MYRIP: variants seen among roughly 807,000 people sequenced by gnomAD.
The protein encoded by MYRIP is rab effector MyRIP.
MYRIP carries 49 observed loss-of-function variants against 98.0 expected under a neutral mutation model. The ratio of observed to expected loss-of-function variants is 0.50; its 90% CI spans 0.40 to 0.63. The LOEUF (loss-of-function observed/expected upper bound fraction) is 0.63. Ranked by LOEUF, MYRIP falls within the 30% of genes least tolerant of loss-of-function variation. The pLI is 0.00. For synonymous variants in MYRIP, 404 were observed against 409.5 expected (o/e 0.99, Z 0.16); for missense variants, 1,004 against 1,058.2 (o/e 0.95, Z 0.71).
intron 1 of MYRIP, among the ~76,000 whole-genome samples, chr3:39,899,230 T>A (rs989954375): frequency 6.6e-6 from 1 of 152,218 alleles, no homozygotes; most frequent in African/African-American, 2.4e-5. Context: ...GTACATGTAT[T>A]CTGTACATGT....
At chr3:40,072,146 A>G (rs1948245007) in intron 3 of MYRIP, among the ~76,000 whole-genome samples, 1 of 152,190 alleles carries the variant, frequency 6.6e-6, no homozygotes, top group South Asian at 2.1e-4. Context: ...AAGCATCAAG[A>G]TAGGTGCTTA....
intron 2 of MYRIP, among the ~76,000 whole-genome samples, chr3:39,966,136 C>A (rs187704193): frequency 1.3e-5 from 2 of 152,222 alleles, no homozygotes; most frequent in African/African-American, 4.8e-5. Flanking sequence ...TCTCTCTTGC[C>A]TCTCAGAACT....
Position 39,815,475 on chromosome 3 carries a change from G to C in MYRIP, c.-31+5559G>C, listed in dbSNP as rs141656629. ...CTTAGTATCCCTTCATTAGTCCTTA[G>C]AAGTTTTATTGCTCTTGTGAATGGG... On this transcript the variant is annotated intron_variant, in intron 1 of 16. Transcript: ENST00000302541. Among the ~76,000 whole-genome samples the C allele has an allele frequency of 2.0e-3, 299 of 152,028 alleles. 2 individuals are homozygous for C. The highest frequency in any genetic ancestry group is 6.8e-3 in the African/African-American group (282 of 41,434).
chr3:39,897,036 TG>T (rs1166577294), intron 1 of MYRIP, among the ~76,000 whole-genome samples: 2 of 152,232 alleles, frequency 1.3e-5, no homozygotes, highest in African/African-American at 4.8e-5. Flanking sequence ...CTAACTCTGT[TG>T]CTTCTTATGA....
At chr3:40,012,519 G>A (rs920310111) in intron 2 of MYRIP, among the ~76,000 whole-genome samples, 1 of 152,170 alleles carries the variant, frequency 6.6e-6, no homozygotes, top group Non-Finnish European at 1.5e-5. Flanking sequence ...GCCCCAGGGT[G>A]CCCAAGTTAA....
intron 1 of MYRIP, among the ~76,000 whole-genome samples, chr3:39,839,199 TTA>T (rs1054696186): frequency 8.5e-5 from 13 of 152,184 alleles, no homozygotes; most frequent in African/African-American, 3.1e-4. Context: ...AGTTCTACTC[TTA>T]TTTTAGTTAT....
chr3:39,811,586 C>G (rs772385961), intron 1 of MYRIP, among the ~76,000 whole-genome samples: 3 of 151,890 alleles, frequency 2.0e-5, no homozygotes, highest in African/African-American at 7.3e-5. Context: ...TCCTAATTAC[C>G]CACCACTACC....
chr3:39,922,421 C>T (rs904328100), intron 2 of MYRIP, among the ~76,000 whole-genome samples: 2 of 152,234 alleles, frequency 1.3e-5, no homozygotes, highest in African/African-American at 4.8e-5. Context: ...CCCTTCACCT[C>T]TCTTGTGGTG....
At chr3:40,229,847 G>A (rs1336040280) in intron 11 of MYRIP, among the ~76,000 whole-genome samples, 1 of 152,192 alleles carries the variant, frequency 6.6e-6, no homozygotes, top group Non-Finnish European at 1.5e-5. Context: ...GAGCATGGCT[G>A]CCTCAGAGCA....
At chr3:39,891,933 A>G (rs1943499336) in intron 1 of MYRIP, among the ~76,000 whole-genome samples, 2 of 151,046 alleles carry the variant, frequency 1.3e-5, no homozygotes, top group Non-Finnish European at 3.0e-5. Context: ...CTTTATTTAT[A>G]ATGACTTTGA....
intron 3 of MYRIP, among the ~76,000 whole-genome samples, chr3:40,098,255 A>G (rs1432100812): frequency 1.3e-5 from 2 of 152,214 alleles, no homozygotes; most frequent in African/African-American, 4.8e-5. Context: ...AAGTAAGGCC[A>G]TTGATTTTTG....
At position 39,842,360 on chromosome 3, in the gene MYRIP, G is replaced by A. The variant is rs143627032; in HGVS notation, c.-31+32444G>A. 3.4e-3 allele frequency among the ~76,000 whole-genome samples: 519 copies of A among 152,284 alleles called. 6 individuals carry two copies. Among genetic ancestry groups the A allele is most frequent in the Middle Eastern group, 0.01 (3 of 294 alleles). ...GACTTCAGACTGCCGTGCTGGCAGC[G>A]AGAATTTCAAGCCAGTGGAGCTTAG... is the stretch of plus-strand genomic sequence containing the variant. On this transcript the variant is annotated intron_variant, in intron 1 of 16. Transcript: ENST00000302541.
In MYRIP at chr3:40,190,176, G is replaced by T. The variant is rs772665894; in HGVS notation, c.1378G>T (p.Ala460Ser). The T allele has an allele frequency of 1.2e-6, 2 of 1,614,000 alleles. No individual in the cohort carries two copies. The highest frequency in any genetic ancestry group is 1.7e-6 in the Non-Finnish European group (2 of 1,180,042). The change falls in exon 10 of 17, where the codon GCA (alanine) becomes TCA (serine). Residue 460 changes from alanine (A) to serine (S), a missense_variant. Physicochemically the swap from Ala to Ser is moderately conservative, Grantham distance 99. Coordinates refer to ENST00000302541, the MANE Select transcript of MYRIP (RefSeq NM_015460.4). Reference protein sequence around the residue: ...AMCSDSETSSAGSSREVGHQA... With the variant: ...AMCSDSETSSSGSSREVGHQA... ...GTGCTCTGACTCGGAGACCTCCTCC[G>T]CAGGCTCTTCCCGAGAAGTTGGGCA...
At chr3:40,095,035 C>G (rs1948800020) in intron 3 of MYRIP, among the ~76,000 whole-genome samples, 1 of 152,146 alleles carries the variant, frequency 6.6e-6, no homozygotes, top group African/African-American at 2.4e-5. Context: ...ATTGCTGTGG[C>G]TGGGGAGACA....
At chr3:40,219,603 C>G (rs531441349) in intron 11 of MYRIP, among the ~76,000 whole-genome samples, 2 of 151,938 alleles carry the variant, frequency 1.3e-5, no homozygotes, top group South Asian at 2.1e-4. Context: ...TTTGTCCTTG[C>G]GATAGTTTGC....
At chr3:39,829,026 A>C (rs528378643) in intron 1 of MYRIP, among the ~76,000 whole-genome samples, 1 of 152,212 alleles carries the variant, frequency 6.6e-6, no homozygotes, top group Non-Finnish European at 1.5e-5. Context: ...TGGTAGTTCT[A>C]CTTTTAGTTC....
At chr3:40,036,324 A>AAAAAAAACAAAAC (rs1553607293) in intron 2 of MYRIP, among the ~76,000 whole-genome samples, 11 of 125,648 alleles carry the variant, frequency 8.8e-5, no homozygotes, top group East Asian at 4.4e-4. Context: ...AAAAAAAAAA[A>AAAAAAAACAAAAC]CTTTATTCAA....
At chr3:40,117,538 A>C (rs1051099534) in intron 3 of MYRIP, among the ~76,000 whole-genome samples, 5 of 152,134 alleles carry the variant, frequency 3.3e-5, no homozygotes, top group African/African-American at 1.2e-4. Context: ...CAGTGTCCTC[A>C]CTTACCTTGG....
At chr3:40,252,999 C>G (rs913673645) in intron 16 of MYRIP, among the ~76,000 whole-genome samples, 4 of 152,162 alleles carry the variant, frequency 2.6e-5, no homozygotes, top group African/African-American at 9.7e-5. Flanking sequence ...TCACATTGGA[C>G]TAATCTATTA....
Sources: allele counts gnomAD v4.1 joint callset (sites outside exome capture counted in the v4.1 genomes callset), GRCh38; gene constraint gnomAD v4.1.1; transcripts MANE v1.5; gene names NCBI Gene and HGNC (gene_info 2026-07-23, HGNC 2026-07-21).